Variants in LRP1B observed in about 807,000 individuals in gnomAD.
LRP1B encodes the protein LDL receptor related protein 1B, also known as low-density lipoprotein receptor-related protein 1B.
Under a neutral mutation model 556.6 loss-of-function variants are expected in LRP1B, and 217 were observed. The observed-to-expected ratio is 0.39, with a 90% CI of 0.35 to 0.44. LRP1B has a LOEUF of 0.44. LRP1B is among the 20% of genes least tolerant of loss of function. The probability of loss-of-function intolerance (pLI) is 1.00; values close to 1 mark genes in which losing one functional copy is unlikely to be tolerated. For synonymous variants in LRP1B, 2,047 were observed against 1,865.8 expected (o/e 1.10, Z -2.50); for missense variants, 5,053 against 5,620.8 (o/e 0.90, Z 3.23).
At chr2:141,651,045 C>A (rs1689769907) in intron 2 of LRP1B, among the ~76,000 whole-genome samples, 1 of 152,278 alleles carries the variant, frequency 6.6e-6, no homozygotes, top group East Asian at 1.9e-4. Context: ...CCATGCCGGA[C>A]TTTACAATGG....
rs574821794 is a variant in LRP1B at position 141,410,043 on chromosome 2, T to C, written c.343+70353A>G. Among the ~76,000 whole-genome samples, 20 of 152,120 alleles carry C rather than the reference T, an allele frequency of 1.3e-4. No homozygotes were observed. The South Asian group carries it at 4.1e-3, about 32-fold the overall frequency. ...GTGGAGAGTCAAAGTGAAAAATATA[T>C]TCTAGGAGAGAGAAAAAACGTATAA... On this transcript the variant is annotated intron_variant, in intron 3 of 90. Coordinates refer to ENST00000389484, the MANE Select transcript of LRP1B (RefSeq NM_018557.3).
chr2:141,111,118 G>A (rs1015247877), intron 7 of LRP1B, among the ~76,000 whole-genome samples: 7 of 151,756 alleles, frequency 4.6e-5, no homozygotes, highest in Admixed American at 1.3e-4. Context: ...AAACACCTCC[G>A]TATTTAAGAG....
intron 2 of LRP1B, among the ~76,000 whole-genome samples, chr2:141,620,096 G>A (rs1688449011): frequency 2.0e-5 from 3 of 152,148 alleles, no homozygotes; most frequent in Admixed American, 2.0e-4. Flanking sequence ...GGAATTACAG[G>A]CAGATGCCAC....
At chr2:141,189,932 A>G (rs1443539788) in intron 6 of LRP1B, among the ~76,000 whole-genome samples, 1 of 152,044 alleles carries the variant, frequency 6.6e-6, no homozygotes, top group Non-Finnish European at 1.5e-5. Flanking sequence ...AAGTTCCTTT[A>G]GAAGAAAGAA....
At chr2:141,514,094 G>A (rs547505121) in intron 2 of LRP1B, among the ~76,000 whole-genome samples, 2 of 152,220 alleles carry the variant, frequency 1.3e-5, no homozygotes, top group South Asian at 4.1e-4. Context: ...GCCCCCTGGT[G>A]ACAACCTTAC....
At chr2:141,188,289 A>G (rs1681351264) in intron 7 of LRP1B, 132 bp downstream of exon 7, 1 of 837,582 alleles carries the variant, frequency 1.2e-6, no homozygotes. Context: ...CCTGCGACAC[A>G]GTTGTTAAAA....
chr2:141,732,717 A>G (rs901321453), intron 2 of LRP1B, among the ~76,000 whole-genome samples: 7 of 152,166 alleles, frequency 4.6e-5, no homozygotes, highest in Admixed American at 1.3e-4. Flanking sequence ...AATTTTCCTC[A>G]GAAATTTTAA....
intron 41 of LRP1B, among the ~76,000 whole-genome samples, chr2:140,698,600 A>G (rs1686519252): frequency 6.6e-6 from 1 of 152,084 alleles, no homozygotes; most frequent in African/African-American, 2.4e-5. Context: ...TGGTTGAAGC[A>G]TATGAAGAGC....
chr2:140,356,180 C>A (rs1014393085), intron 75 of LRP1B, among the ~76,000 whole-genome samples, 162 bp downstream of exon 75: 14 of 151,828 alleles, frequency 9.2e-5, no homozygotes, highest in Non-Finnish European at 1.6e-4. Flanking sequence ...CACAAACAAG[C>A]TCTTGACCCC....
At chr2:141,224,130 C>T (rs1460177765) in intron 6 of LRP1B, among the ~76,000 whole-genome samples, 1 of 140,690 alleles carries the variant, frequency 7.1e-6, no homozygotes, top group Non-Finnish European at 1.5e-5. Flanking sequence ...TTGCAATCTA[C>T]AAGGAACTTA....
At chr2:140,491,012 T>TA (rs1181582504) in intron 57 of LRP1B, among the ~76,000 whole-genome samples, 1 of 152,006 alleles carries the variant, frequency 6.6e-6, no homozygotes, top group African/African-American at 2.4e-5. Context: ...AATGTTTTTT[T>TA]AAAAAAAGAG....
Position 140,320,572 on chromosome 2 carries a change from G to A in LRP1B, c.12640+1391C>T, listed in dbSNP as rs886437715. Reference sequence around the variant, plus strand: ...AAAATGTTTGCTGTGATCCTCCAGTGATTTTGGAGCGCTACATTTTTTTTT... The same window carrying A: ...AAAATGTTTGCTGTGATCCTCCAGTAATTTTGGAGCGCTACATTTTTTTTT... On this transcript the variant is annotated intron_variant, in intron 82 of 90. Coordinates refer to ENST00000389484, the MANE Select transcript of LRP1B (RefSeq NM_018557.3). Among the ~76,000 whole-genome samples, 67 of 151,570 alleles carry A rather than the reference G, an allele frequency of 4.4e-4. 1 individual carries two copies. The highest frequency in any genetic ancestry group is 6.5e-4 in the Non-Finnish European group (44 of 67,932).
chr2:141,571,678 C>A (rs1220575093), intron 2 of LRP1B, among the ~76,000 whole-genome samples: 1 of 150,532 alleles, frequency 6.6e-6, no homozygotes, highest in Non-Finnish European at 1.5e-5. Flanking sequence ...AAGCTCAGAA[C>A]CTTGACAAAA....
intron 7 of LRP1B, among the ~76,000 whole-genome samples, chr2:141,144,513 CTAAGTTA>C (rs1373815620): frequency 1.3e-5 from 2 of 152,094 alleles, no homozygotes; most frequent in Admixed American, 1.3e-4. Flanking sequence ...TCAGGAAGTT[CTAAGTTA>C]TATCTAAGTT....
At chr2:142,036,423 A>T (rs1703880533) in intron 1 of LRP1B, among the ~76,000 whole-genome samples, 1 of 151,672 alleles carries the variant, frequency 6.6e-6, no homozygotes, top group African/African-American at 2.4e-5. Context: ...TGAATACTTG[A>T]TCTCTTAATA....
chr2:140,672,676 C>A (rs952255138), intron 41 of LRP1B, among the ~76,000 whole-genome samples: 12 of 151,984 alleles, frequency 7.9e-5, no homozygotes, highest in Admixed American at 3.9e-4. Context: ...ATTAACAACC[C>A]ATTTCTTGCC....
intron 7 of LRP1B, among the ~76,000 whole-genome samples, chr2:141,122,440 G>T (rs1701082077): frequency 6.7e-6 from 1 of 149,826 alleles, no homozygotes; most frequent in South Asian, 2.1e-4. Flanking sequence ...GTGGGCAAAG[G>T]ATATGAACAG....
intron 75 of LRP1B, 106 bp downstream of exon 75, chr2:140,356,236 A>G: frequency 8.7e-7 from 1 of 1,152,660 alleles, no homozygotes; most frequent in South Asian, 1.3e-5. Flanking sequence ...GTAGATACAC[A>G]CCATTTTGAT....
intron 2 of LRP1B, among the ~76,000 whole-genome samples, chr2:141,708,190 C>A (rs926667378): frequency 6.6e-6 from 1 of 151,726 alleles, no homozygotes; most frequent in Non-Finnish European, 1.5e-5. Context: ...CAAACCTGCA[C>A]GTCCGCACAT....
Sources: gnomAD v4.1 joint callset for allele counts (sites outside exome capture counted in the v4.1 genomes callset) on GRCh38, gnomAD v4.1.1 for gene constraint, MANE v1.5 for transcripts, NCBI Gene and HGNC (gene_info 2026-07-23, HGNC 2026-07-21) for gene names.